Variants in SAMD3 observed in about 807,000 individuals in gnomAD.
SAMD3 encodes sterile alpha motif domain-containing protein 3.
Under a neutral mutation model 58.5 loss-of-function variants are expected in SAMD3, and 63 were observed. That is an observed-to-expected ratio of 1.08 (90% CI 0.88 to 1.33). The LOEUF is 1.33. Ranked by LOEUF, SAMD3 falls within the 40% of genes most tolerant of loss-of-function variation. The pLI, the probability that SAMD3 is intolerant of heterozygous loss-of-function variation, is 0.00. For missense variants in SAMD3, 604 were observed against 608.4 expected (o/e 0.99, Z 0.08); for synonymous variants, 220 against 210.3 (o/e 1.05, Z -0.40).
intron 8 of SAMD3, among the ~76,000 whole-genome samples, chr6:130,171,624 C>T (rs1418031840): frequency 1.3e-5 from 2 of 152,134 alleles, no homozygotes; most frequent in African/African-American, 4.8e-5. Flanking sequence ...TGTTTTACTT[C>T]CAATTATGTG....
At chr6:130,177,800 C>T (rs561856897) in intron 7 of SAMD3, among the ~76,000 whole-genome samples, 5 of 152,228 alleles carry the variant, frequency 3.3e-5, no homozygotes, top group African/African-American at 1.2e-4. Flanking sequence ...GCCTGCTTTG[C>T]CCACCAAGCC....
intron 2 of SAMD3, among the ~76,000 whole-genome samples, chr6:130,262,296 A>G (rs547651666): frequency 6.6e-6 from 1 of 151,452 alleles, no homozygotes; most frequent in Non-Finnish European, 1.5e-5. Flanking sequence ...CTTTGCTAAC[A>G]GAAAAAAAGT....
At chr6:130,224,998 CTG>C (rs1437350262), upstream of SAMD3, among the ~76,000 whole-genome samples, 11 of 152,024 alleles carry the variant, frequency 7.2e-5, no homozygotes, top group Non-Finnish European at 1.5e-4. Context: ...AAATATGAGT[CTG>C]TGTGTCTGAA....
At chr6:130,193,591 G>C (rs1793777662) in intron 5 of SAMD3, among the ~76,000 whole-genome samples, 1 of 151,912 alleles carries the variant, frequency 6.6e-6, no homozygotes, top group Non-Finnish European at 1.5e-5. Flanking sequence ...TTCACTATGG[G>C]CAACTTTCCA....
intron 9 of SAMD3, among the ~76,000 whole-genome samples, chr6:130,153,654 A>AATGGG (rs1789427558): frequency 2.2e-5 from 2 of 90,090 alleles, no homozygotes; most frequent in Non-Finnish European, 4.8e-5. Context: ...TTTCATATAT[A>AATGGG]TATATATATA....
intron 1 of SAMD3, among the ~76,000 whole-genome samples, chr6:130,222,481 T>C (rs968031972): frequency 6.6e-5 from 10 of 152,120 alleles, no homozygotes; most frequent in Non-Finnish European, 4.4e-5. Context: ...TTCAGATTTG[T>C]GGAAAGAATA....
At chr6:130,310,617 A>T (rs1233574992) in intron 2 of SAMD3, among the ~76,000 whole-genome samples, 2 of 152,154 alleles carry the variant, frequency 1.3e-5, no homozygotes, top group Non-Finnish European at 1.5e-5. Flanking sequence ...TAGTGCTATA[A>T]TTTTTCCAAG....
chr6:130,365,138 TAC>T lies in SAMD3; in HGVS notation c.-324_-323del, dbSNP rs1483254232. On this transcript the variant is annotated 5_prime_UTR_variant, in exon 1 of 14. Coordinates refer to the SAMD3 transcript ENST00000368134. Reference sequence around the variant, plus strand: ...TACTTACGGAATTGGCCTGCATATATACAGTCATCACCGTCTTTGCCGAATTA... The same window carrying T: ...TACTTACGGAATTGGCCTGCATATATAGTCATCACCGTCTTTGCCGAATTA... 7 of 971,944 alleles carry T rather than the reference TAC, an allele frequency of 7.2e-6. No homozygotes were observed. In the African/African-American group the frequency reaches 8.8e-5, roughly 12 times the overall value. The allele number at this position is 971,944 out of a possible 1,614,324, so 60.2% of individuals were successfully genotyped here.
chr6:130,243,605 T>C (rs999744034), intron 2 of SAMD3, among the ~76,000 whole-genome samples: 1 of 152,212 alleles, frequency 6.6e-6, no homozygotes, highest in Non-Finnish European at 1.5e-5. Flanking sequence ...TACATAACTA[T>C]TAAGTACAGA....
At chr6:130,203,153 T>C (rs1028392074) in intron 5 of SAMD3, among the ~76,000 whole-genome samples, 6 of 152,222 alleles carry the variant, frequency 3.9e-5, no homozygotes, top group Non-Finnish European at 5.9e-5. Context: ...CTGCTTCCGC[T>C]TTGGGACCAC....
At chr6:130,361,275 G>T (rs1430991319) in intron 1 of SAMD3, among the ~76,000 whole-genome samples, 1 of 152,126 alleles carries the variant, frequency 6.6e-6, no homozygotes, top group Non-Finnish European at 1.5e-5. Context: ...TAATTTGGGG[G>T]AACTAATAAA....
At chr6:130,289,843 G>C (rs1448856529) in intron 2 of SAMD3, among the ~76,000 whole-genome samples, 1 of 152,190 alleles carries the variant, frequency 6.6e-6, no homozygotes, top group East Asian at 1.9e-4. Context: ...ACCTAGGTAG[G>C]TGATGGCAAA....
At chr6:130,286,444 G>A (rs1472480045) in intron 2 of SAMD3, among the ~76,000 whole-genome samples, 1 of 152,192 alleles carries the variant, frequency 6.6e-6, no homozygotes, top group Non-Finnish European at 1.5e-5. Flanking sequence ...TTACGGCACA[G>A]TTCCTTTCTT....
At chr6:130,331,634 G>A (rs369336182) in intron 1 of SAMD3, among the ~76,000 whole-genome samples, 6 of 152,126 alleles carry the variant, frequency 3.9e-5, no homozygotes, top group Admixed American at 6.5e-5. Context: ...CTGGAGAGTC[G>A]CTTGAACCCG....
chr6:130,146,132 G>T lies in SAMD3; in HGVS notation c.1073C>A (p.Thr358Lys), dbSNP rs1427638819. The T allele has an allele frequency of 1.9e-6, 3 of 1,599,858 alleles. No individual in the cohort carries two copies. In the East Asian group the frequency reaches 6.8e-5, roughly 36 times the overall value. The change falls in exon 10 of 12, where the codon ACA (threonine) becomes AAA (lysine). Residue 358 changes from threonine (T) to lysine (K), a missense_variant. Thr to Lys is a moderately conservative substitution (Grantham distance 78). Transcript: ENST00000439090. ...TGAATAGGATTCCAAAATGTGCCTTGTTTTCTTATAAATATCTGTTCTTGT... is the reference window on the plus strand; with the variant it reads ...TGAATAGGATTCCAAAATGTGCCTTTTTTTCTTATAAATATCTGTTCTTGT... ...LLTRTDIYKKTRHILESYSEN... is the reference protein window; with the variant it reads ...LLTRTDIYKKKRHILESYSEN...
At chr6:130,225,401 A>G (rs1228500319), upstream of SAMD3, among the ~76,000 whole-genome samples, 3 of 152,248 alleles carry the variant, frequency 2.0e-5, no homozygotes, top group South Asian at 6.2e-4. Context: ...AGCAATTACA[A>G]TGAATGAGAG....
chr6:130,357,417 C>A (rs1777868629), intron 1 of SAMD3, among the ~76,000 whole-genome samples: 1 of 152,140 alleles, frequency 6.6e-6, no homozygotes, highest in Non-Finnish European at 1.5e-5. Flanking sequence ...AGCCACCACA[C>A]CCGGCCGGCA....
intron 11 of SAMD3, 121 bp from the exon 12 acceptor site, chr6:130,144,925 G>T: frequency 2.0e-6 from 2 of 994,878 alleles, no homozygotes; most frequent in Non-Finnish European, 2.9e-6. Context: ...TTGTAAATAT[G>T]ACAAACATAC....
chr6:130,329,028 A>G (rs1776842233), intron 1 of SAMD3, among the ~76,000 whole-genome samples: 2 of 147,126 alleles, frequency 1.4e-5, no homozygotes, highest in South Asian at 4.5e-4. Flanking sequence ...GTGTAGACCA[A>G]TATCTCTCTC....
Sources: allele counts gnomAD v4.1 joint callset (sites outside exome capture counted in the v4.1 genomes callset), GRCh38; gene constraint gnomAD v4.1.1; transcripts MANE v1.5; gene names NCBI Gene and HGNC (gene_info 2026-07-23, HGNC 2026-07-21).